The following SGMS2 variants were observed in gnomAD, a reference collection of about 807,000 sequenced individuals.
SGMS2 encodes the protein sphingomyelin synthase 2.
SGMS2 carries 21 observed loss-of-function variants against 43.8 expected under a neutral mutation model. The ratio of observed to expected loss-of-function variants is 0.48; its 90% confidence interval spans 0.34 to 0.69. SGMS2 has a LOEUF of 0.69. SGMS2 is among the 30% of genes least tolerant of loss of function. SGMS2 has a pLI of 0.01. For synonymous variants in SGMS2, 167 were observed against 160.6 expected (o/e 1.04, Z -0.30); for missense variants, 384 against 443.2 (o/e 0.87, Z 1.20).
chr4:107,885,544 T>C (rs1729683519), intron 2 of SGMS2, among the ~76,000 whole-genome samples: 1 of 152,172 alleles, frequency 6.6e-6, no homozygotes, highest in South Asian at 2.1e-4. Context: ...CACTCCTAAA[T>C]AAGATTTAGA....
intron 2 of SGMS2, among the ~76,000 whole-genome samples, chr4:107,887,122 T>G (rs566812119): frequency 6.6e-6 from 1 of 152,338 alleles, no homozygotes; most frequent in South Asian, 2.1e-4. Flanking sequence ...TTAATTCCTG[T>G]TCTGCTTAAT....
chr4:107,824,849 T>C, upstream of SGMS2: 1 of 152,518 alleles, frequency 6.6e-6, no homozygotes, highest in Non-Finnish European at 1.5e-5. Context: ...GAATGAATGA[T>C]GTCAAGAGCG....
intron 1 of SGMS2, among the ~76,000 whole-genome samples, chr4:107,835,362 CT>C (rs1726114589): frequency 6.6e-6 from 1 of 152,080 alleles, no homozygotes; most frequent in African/African-American, 2.4e-5. Flanking sequence ...TAAATGCATC[CT>C]TTTTAGATTT....
intron 1 of SGMS2, among the ~76,000 whole-genome samples, chr4:107,841,961 AT>A (rs143499098): frequency 7.9e-5 from 12 of 151,974 alleles, no homozygotes; most frequent in Non-Finnish European, 1.2e-4. Context: ...CTTTAAAAAA[AT>A]TTTTTTTTAA....
intron 3 of SGMS2, among the ~76,000 whole-genome samples, chr4:107,897,828 G>T: frequency 6.6e-6 from 1 of 152,114 alleles, no homozygotes; most frequent in East Asian, 1.9e-4. Flanking sequence ...GAACATCCCA[G>T]CTGAATGAGG....
intron 1 of SGMS2, among the ~76,000 whole-genome samples, chr4:107,836,674 G>A (rs528046180): frequency 6.6e-6 from 1 of 152,214 alleles, no homozygotes; most frequent in East Asian, 1.9e-4. Context: ...CCTTGTTTTT[G>A]TGGGTAATGC....
chr4:107,834,940 C>A (rs1294838866), intron 1 of SGMS2, among the ~76,000 whole-genome samples: 1 of 152,296 alleles, frequency 6.6e-6, no homozygotes, highest in East Asian at 1.9e-4. Flanking sequence ...GAAGCTGAGG[C>A]AGGTGAATCT....
intron 2 of SGMS2, among the ~76,000 whole-genome samples, chr4:107,869,268 T>C (rs1728372786): frequency 6.6e-6 from 1 of 152,120 alleles, no homozygotes; most frequent in Admixed American, 6.6e-5. Context: ...TGTTGGAGGA[T>C]ATGACATCTG....
intron 6 of SGMS2, 124 bp from the exon 7 acceptor site, chr4:107,910,226 A>T: frequency 1.3e-6 from 1 of 794,996 alleles, no homozygotes; most frequent in African/African-American, 1.7e-5. Context: ...CATGAAAATC[A>T]TTACTGCCAT....
intron 1 of SGMS2, among the ~76,000 whole-genome samples, chr4:107,828,462 G>A (rs758664967): frequency 6.6e-6 from 1 of 152,122 alleles, no homozygotes; most frequent in Non-Finnish European, 1.5e-5. Flanking sequence ...TCCAACTTAC[G>A]TTTTCTCTCC....
At chr4:107,837,737 G>A (rs1407089121) in intron 1 of SGMS2, among the ~76,000 whole-genome samples, 3 of 152,148 alleles carry the variant, frequency 2.0e-5, no homozygotes, top group Admixed American at 6.5e-5. Context: ...GCTATTGGGA[G>A]CATTCTGTAT....
At chr4:107,848,500 C>T (rs76886659) in intron 1 of SGMS2, among the ~76,000 whole-genome samples, 6,160 of 152,168 alleles carry the variant, frequency 0.04, 423 homozygotes, top group African/African-American at 0.14. Context: ...CCTTACTGTC[C>T]ACCAGTGTGG....
At chr4:107,888,733 C>T (rs1729959546) in intron 2 of SGMS2, among the ~76,000 whole-genome samples, 1 of 151,860 alleles carries the variant, frequency 6.6e-6, no homozygotes. Flanking sequence ...TTTAAAAGGA[C>T]ACACTTTTTT....
chr4:107,871,908 T>A (rs560552896), intron 2 of SGMS2, among the ~76,000 whole-genome samples: 80 of 152,282 alleles, frequency 5.3e-4, no homozygotes, highest in African/African-American at 1.8e-3. Flanking sequence ...TAGCCTTTTT[T>A]AAAAAACCTA....
In SGMS2 at chr4:107,846,089, T is replaced by C. The variant is rs1726791748; in HGVS notation, c.-326-12383T>C. ...TGTCATTATTCTTAAAGGATCTAAC[T>C]AGGGGTGTGGAAAGCTGTTTTTTTT... On this transcript the variant is annotated intron_variant, in intron 1 of 6. Coordinates refer to ENST00000690982, the MANE Select transcript of SGMS2 (RefSeq NM_001375905.1). Among the ~76,000 whole-genome samples the C allele has an allele frequency of 2.0e-5, 3 of 152,114 alleles. 1 individual carries two copies. The highest frequency in any genetic ancestry group is 1.3e-4 in the Admixed American group (2 of 15,262).
intron 1 of SGMS2, among the ~76,000 whole-genome samples, chr4:107,858,011 C>T (rs187121481): frequency 8.2e-6 from 1 of 122,244 alleles, no homozygotes; most frequent in African/African-American, 3.6e-5. Flanking sequence ...AGCTGCCCCA[C>T]CCCCCCCATC....
At chr4:107,839,351 T>A (rs1348021045) in intron 1 of SGMS2, among the ~76,000 whole-genome samples, 2 of 152,036 alleles carry the variant, frequency 1.3e-5, no homozygotes, top group African/African-American at 4.8e-5. Context: ...ACGGTAGTTA[T>A]TTTGCTACCA....
intron 1 of SGMS2, among the ~76,000 whole-genome samples, chr4:107,834,250 G>A (rs1578498600): frequency 1.3e-5 from 2 of 152,284 alleles, no homozygotes; most frequent in South Asian, 2.1e-4. Flanking sequence ...TTTGACGGCT[G>A]TTTTATTTTA....
At chr4:107,845,883 T>G (rs1726779836) in intron 1 of SGMS2, among the ~76,000 whole-genome samples, 1 of 152,160 alleles carries the variant, frequency 6.6e-6, no homozygotes, top group Non-Finnish European at 1.5e-5. Flanking sequence ...ATAGGAAAGC[T>G]ATAGGAGGCA....
Sources: gnomAD v4.1 joint callset for allele counts (sites outside exome capture counted in the v4.1 genomes callset) on GRCh38, gnomAD v4.1.1 for gene constraint, MANE v1.5 for transcripts, NCBI Gene and HGNC (gene_info 2026-07-23, HGNC 2026-07-21) for gene names.